EXOC4: variants seen among roughly 807,000 people sequenced by gnomAD.
EXOC4 encodes SEC8-like 1.
A neutral mutation model predicts 107.2 loss-of-function variants in EXOC4; 71 were observed. The ratio of observed to expected loss-of-function variants is 0.66; its 90% CI spans 0.55 to 0.81. The LOEUF is 0.81. Ranked by LOEUF, EXOC4 falls within the 30% of genes least tolerant of loss-of-function variation. The pLI is 0.00. For missense variants in EXOC4, 1,108 were observed against 1,189.6 expected, an observed-to-expected ratio of 0.93 and a Z score of 1.01; for synonymous variants, 456 against 441.2, an observed-to-expected ratio of 1.03 and a Z score of -0.42.
intron 9 of EXOC4, among the ~76,000 whole-genome samples, chr7:133,551,232 A>C (rs1442879467): frequency 6.6e-6 from 1 of 152,186 alleles, no homozygotes; most frequent in Non-Finnish European, 1.5e-5. Context: ...ATTCCTAGTT[A>C]ATCATTCTAT....
intron 3 of EXOC4, among the ~76,000 whole-genome samples, chr7:133,291,658 C>T (rs1584784009): frequency 6.6e-6 from 1 of 152,218 alleles, no homozygotes. Context: ...GCTGGGATTA[C>T]AGCCGTGAGC....
chr7:133,438,235 A>T (rs1318388094), intron 7 of EXOC4, among the ~76,000 whole-genome samples: 1 of 152,170 alleles, frequency 6.6e-6, no homozygotes, highest in African/African-American at 2.4e-5. Flanking sequence ...TATCCTAATG[A>T]TGTCTCATAT....
intron 10 of EXOC4, among the ~76,000 whole-genome samples, chr7:133,671,368 A>C (rs1257723095): frequency 6.6e-6 from 1 of 152,104 alleles, no homozygotes; most frequent in African/African-American, 2.4e-5. Flanking sequence ...GTTCAAGACC[A>C]GCCTGGCCAA....
At chr7:133,480,350 C>G in intron 9 of EXOC4, 2 of 1,371,440 alleles carry the variant, frequency 1.5e-6, no homozygotes, top group South Asian at 3.1e-5. Flanking sequence ...TGCTACTGTT[C>G]AAGTGGGAAT....
chr7:133,702,371 C>T (rs1409846661), intron 10 of EXOC4, among the ~76,000 whole-genome samples: 3 of 146,110 alleles, frequency 2.1e-5, no homozygotes, highest in African/African-American at 7.5e-5. Flanking sequence ...CAAGGTCTCA[C>T]GCTGTTGCCC....
At chr7:133,944,618 C>T (rs964405960) in intron 14 of EXOC4, among the ~76,000 whole-genome samples, 2 of 152,142 alleles carry the variant, frequency 1.3e-5, no homozygotes, top group South Asian at 4.1e-4. Context: ...CTACAAATTG[C>T]TTATCTTTCT....
chr7:133,440,364 C>G (rs1185530635), intron 7 of EXOC4, among the ~76,000 whole-genome samples: 1 of 152,090 alleles, frequency 6.6e-6, no homozygotes, highest in Non-Finnish European at 1.5e-5. Flanking sequence ...CCCCACCCCC[C>G]CATTACCTAT....
At chr7:133,448,513 G>T (rs558829215) in intron 7 of EXOC4, among the ~76,000 whole-genome samples, 2 of 152,078 alleles carry the variant, frequency 1.3e-5, no homozygotes, top group South Asian at 4.2e-4. Context: ...TCACTATGTT[G>T]CCCAGGCTGG....
At chr7:133,623,329 C>G (rs1317845538) in intron 9 of EXOC4, among the ~76,000 whole-genome samples, 1 of 152,118 alleles carries the variant, frequency 6.6e-6, no homozygotes, top group East Asian at 1.9e-4. Context: ...AATCAATATA[C>G]TTTTTCAGCC....
At chr7:133,656,705 G>C (rs1803308208) in intron 10 of EXOC4, among the ~76,000 whole-genome samples, 1 of 152,106 alleles carries the variant, frequency 6.6e-6, no homozygotes, top group Non-Finnish European at 1.5e-5. Context: ...TAGTAGAATT[G>C]CAGTTATTTG....
intron 12 of EXOC4, among the ~76,000 whole-genome samples, chr7:133,907,610 G>T: frequency 6.6e-6 from 1 of 152,148 alleles, no homozygotes; most frequent in East Asian, 1.9e-4. Flanking sequence ...GGCCTAGGTG[G>T]GTGGATCACC....
intron 10 of EXOC4, among the ~76,000 whole-genome samples, chr7:133,697,737 A>G (rs1432450954): frequency 6.6e-6 from 1 of 152,188 alleles, no homozygotes; most frequent in Non-Finnish European, 1.5e-5. Context: ...TTGGGTGGAA[A>G]GTCCCTAAGT....
intron 10 of EXOC4, among the ~76,000 whole-genome samples, chr7:133,782,632 C>A (rs1327776321): frequency 6.6e-6 from 1 of 152,084 alleles, no homozygotes; most frequent in Non-Finnish European, 1.5e-5. Context: ...AGGAGTGGAG[C>A]CTGGAGCAAA....
chr7:133,523,428 A>G (rs1317481279), intron 9 of EXOC4, among the ~76,000 whole-genome samples: 1 of 139,806 alleles, frequency 7.2e-6, no homozygotes, highest in Non-Finnish European at 1.5e-5. Flanking sequence ...GAGTATATAT[A>G]CCTTTCAGTT....
chr7:133,908,456 AC>A (rs1189038988), intron 12 of EXOC4, among the ~76,000 whole-genome samples: 2 of 152,374 alleles, frequency 1.3e-5, no homozygotes, highest in South Asian at 2.1e-4. Context: ...GAAATAGGAA[AC>A]CTGAAAAATG....
At chr7:133,419,682 T>A (rs1172501557) in intron 7 of EXOC4, among the ~76,000 whole-genome samples, 1 of 152,054 alleles carries the variant, frequency 6.6e-6, no homozygotes, top group Non-Finnish European at 1.5e-5. Context: ...ACAGCAAATG[T>A]TGGTGTGTCA....
intron 9 of EXOC4, among the ~76,000 whole-genome samples, chr7:133,590,328 C>A (rs1801511980): frequency 6.6e-6 from 1 of 152,030 alleles, no homozygotes; most frequent in Admixed American, 6.6e-5. Flanking sequence ...CTCACCTTGA[C>A]ACCTAGGATG....
intron 5 of EXOC4, among the ~76,000 whole-genome samples, chr7:133,317,768 G>C (rs774157832): frequency 6.6e-6 from 1 of 151,852 alleles, no homozygotes; most frequent in Admixed American, 6.6e-5. Flanking sequence ...TGCAACCTCT[G>C]CCTCCTGGGT....
chr7:133,985,263 C>T (rs998146927), intron 14 of EXOC4, among the ~76,000 whole-genome samples: 4 of 152,124 alleles, frequency 2.6e-5, no homozygotes, highest in Admixed American at 6.5e-5. Context: ...AGGTCTCTGC[C>T]TCCTATACCC....
Sources: gnomAD v4.1 joint callset for allele counts (sites outside exome capture counted in the v4.1 genomes callset) on GRCh38, gnomAD v4.1.1 for gene constraint, MANE v1.5 for transcripts, NCBI Gene and HGNC (gene_info 2026-07-23, HGNC 2026-07-21) for gene names.